CHN2: variants seen among roughly 807,000 people sequenced by gnomAD.
The protein encoded by CHN2 is beta-chimaerin.
In CHN2, 35 loss-of-function variants were observed where a neutral mutation model predicts 56.3. That is an observed-to-expected ratio of 0.62 (90% CI 0.47 to 0.82). CHN2 has a LOEUF of 0.82. CHN2 is among the 40% of genes least tolerant of loss of function. The pLI is 0.00. For missense variants in CHN2, 491 were observed against 580.5 expected, an observed-to-expected ratio of 0.85 and a Z score of 1.58; for synonymous variants, 210 against 212.8, an observed-to-expected ratio of 0.99 and a Z score of 0.12.
At chr7:29,380,420 C>T (rs997011950) in intron 3 of CHN2, among the ~76,000 whole-genome samples, 3 of 152,148 alleles carry the variant, frequency 2.0e-5, no homozygotes, top group Non-Finnish European at 4.4e-5. Context: ...TCTAAAAAGG[C>T]TCCTTAGGGA....
At chr7:29,398,322 C>A in intron 4 of CHN2, 51 bp from the exon 5 acceptor site, 2 of 1,364,612 alleles carry the variant, frequency 1.5e-6, no homozygotes, top group South Asian at 1.2e-5. Flanking sequence ...TCTTTGTGGT[C>A]CTTATTCTGT....
At chr7:29,271,692 T>C (rs1263894832) in intron 1 of CHN2, among the ~76,000 whole-genome samples, 1 of 152,206 alleles carries the variant, frequency 6.6e-6, no homozygotes, top group Admixed American at 6.5e-5. Context: ...TATCCAGTGT[T>C]GTGAATTATT....
intron 7 of CHN2, among the ~76,000 whole-genome samples, chr7:29,494,562 T>G (rs541367705): frequency 1.3e-5 from 2 of 152,294 alleles, no homozygotes; most frequent in South Asian, 2.1e-4. Flanking sequence ...TAAAAAATGC[T>G]TTGTCATTTC....
chr7:29,335,185 T>C (rs1488131688), intron 1 of CHN2, among the ~76,000 whole-genome samples: 1 of 152,186 alleles, frequency 6.6e-6, no homozygotes, highest in Non-Finnish European at 1.5e-5. Context: ...TGGAACAATA[T>C]GGAGTCACTC....
intron 6 of CHN2, among the ~76,000 whole-genome samples, chr7:29,456,701 C>T (rs849931): frequency 0.11 from 16,533 of 149,726 alleles, 938 homozygotes; most frequent in Middle Eastern, 0.13. Flanking sequence ...GTGTTTTCAC[C>T]GGCACTCCAG....
chr7:29,184,703 T>C (rs1319845260), intron 2 of CHN2, among the ~76,000 whole-genome samples: 2 of 152,208 alleles, frequency 1.3e-5, no homozygotes, highest in African/African-American at 2.4e-5. Context: ...TGTTACTCAG[T>C]GTTCTGATTT....
chr7:29,342,562 A>G (rs1206084027), intron 1 of CHN2, among the ~76,000 whole-genome samples: 1 of 152,204 alleles, frequency 6.6e-6, no homozygotes, highest in East Asian at 1.9e-4. Context: ...TGAACTCAAG[A>G]TGCACCAAAA....
intron 1 of CHN2, among the ~76,000 whole-genome samples, chr7:29,205,020 G>T (rs1209985674): frequency 1.3e-5 from 2 of 152,218 alleles, no homozygotes; most frequent in Non-Finnish European, 2.9e-5. Flanking sequence ...GCATTCTAAA[G>T]TAATAGCAGT....
intron 11 of CHN2, 101 bp downstream of exon 11, chr7:29,507,466 T>A: frequency 2.2e-6 from 2 of 896,830 alleles, no homozygotes; most frequent in Non-Finnish European, 1.7e-6. Context: ...ATTATTGCAT[T>A]TGTGCCTGTC....
chr7:29,249,699 G>A (rs1175637396), intron 1 of CHN2, among the ~76,000 whole-genome samples: 3 of 152,118 alleles, frequency 2.0e-5, no homozygotes, highest in Non-Finnish European at 4.4e-5. Context: ...CGTGTATCTT[G>A]CAGCTTCCAG....
At chr7:29,185,189 A>G (rs1235044548) in intron 2 of CHN2, among the ~76,000 whole-genome samples, 1 of 152,166 alleles carries the variant, frequency 6.6e-6, no homozygotes, top group South Asian at 2.1e-4. Flanking sequence ...AATCTTCTTT[A>G]TGATTGAGAA....
intron 6 of CHN2, among the ~76,000 whole-genome samples, chr7:29,423,936 C>T (rs942371752): frequency 2.0e-5 from 3 of 152,220 alleles, no homozygotes; most frequent in Non-Finnish European, 1.5e-5. Context: ...CTCAGTGCCA[C>T]GTCCTTGCCA....
intron 3 of CHN2, among the ~76,000 whole-genome samples, chr7:29,392,110 C>G (rs1801415522): frequency 6.6e-6 from 1 of 152,194 alleles, no homozygotes; most frequent in Non-Finnish European, 1.5e-5. Context: ...TGTAGAGAAT[C>G]ACTTCAAATT....
intron 3 of CHN2, among the ~76,000 whole-genome samples, chr7:29,379,622 T>C (rs1236163750): frequency 6.6e-6 from 1 of 152,204 alleles, no homozygotes; most frequent in African/African-American, 2.4e-5. Flanking sequence ...GTAAAAGTCT[T>C]TCAACTTTTC....
At chr7:29,241,991 A>G (rs959358969) in intron 1 of CHN2, among the ~76,000 whole-genome samples, 3 of 152,196 alleles carry the variant, frequency 2.0e-5, no homozygotes, top group African/African-American at 7.2e-5. Context: ...TATGGAACAT[A>G]ATAGTAATAT....
chr7:29,283,568 C>T (rs947787202), intron 1 of CHN2, among the ~76,000 whole-genome samples: 5 of 152,044 alleles, frequency 3.3e-5, no homozygotes, highest in African/African-American at 9.7e-5. Context: ...GGGAGACGTC[C>T]GGGATGGGCC....
intron 6 of CHN2, among the ~76,000 whole-genome samples, chr7:29,434,782 A>G (rs1783102832): frequency 6.6e-6 from 1 of 152,198 alleles, no homozygotes; most frequent in Non-Finnish European, 1.5e-5. Flanking sequence ...GAAACTTGTC[A>G]TGTACAGTAT....
chr7:29,445,785 A>G (rs1244349945), intron 6 of CHN2, among the ~76,000 whole-genome samples: 1 of 152,064 alleles, frequency 6.6e-6, no homozygotes, highest in African/African-American at 2.4e-5. Flanking sequence ...ATGAAATTCT[A>G]TAGCATTTTC....
At chr7:29,242,106 G>A (rs942079995) in intron 1 of CHN2, among the ~76,000 whole-genome samples, 1 of 152,152 alleles carries the variant, frequency 6.6e-6, no homozygotes, top group Admixed American at 6.5e-5. Flanking sequence ...TCCTATGGTT[G>A]TGTAACTCAT....
Sources: allele counts gnomAD v4.1 joint callset (sites outside exome capture counted in the v4.1 genomes callset), GRCh38; gene constraint gnomAD v4.1.1; transcripts MANE v1.5; gene names NCBI Gene and HGNC (gene_info 2026-07-23, HGNC 2026-07-21).